Variants in ATP13A3 observed in about 807,000 individuals in gnomAD.
ATP13A3 encodes ATPase 13A3.
A neutral mutation model predicts 158.1 loss-of-function variants in ATP13A3; 59 were observed. That is an observed-to-expected ratio of 0.37 (90% CI 0.30 to 0.46). The LOEUF (loss-of-function observed/expected upper bound fraction) is 0.46, where lower values mean the gene tolerates loss of function less well. Ranked by LOEUF, ATP13A3 falls within the 20% of genes least tolerant of loss-of-function variation. The pLI is 1.00. For missense variants in ATP13A3, 1,166 were observed against 1,525.2 expected (o/e 0.76, Z 3.92); for synonymous variants, 491 against 504.3 (o/e 0.97, Z 0.35).
intron 2 of ATP13A3, among the ~76,000 whole-genome samples, chr3:194,482,869 AG>A (rs1282812861): frequency 4.6e-5 from 7 of 152,176 alleles, no homozygotes; most frequent in Non-Finnish European, 1.0e-4. Context: ...GCAGTCTGGA[AG>A]GCCGAGGCAG....
At chr3:194,430,855 T>C in intron 24 of ATP13A3, 88 bp downstream of exon 24, 2 of 1,003,890 alleles carry the variant, frequency 2.0e-6, no homozygotes, top group Non-Finnish European at 2.8e-6. Flanking sequence ...AATATTAGTA[T>C]AAGAAACATA....
intron 2 of ATP13A3, among the ~76,000 whole-genome samples, chr3:194,485,103 C>T (rs1720914673): frequency 6.6e-6 from 1 of 151,930 alleles, no homozygotes; most frequent in Non-Finnish European, 1.5e-5. Context: ...GTCACTTTTC[C>T]TACCCAATCC....
intron 33 of ATP13A3, among the ~76,000 whole-genome samples, chr3:194,407,504 A>G (rs1715020651): frequency 1.3e-5 from 2 of 152,200 alleles, no homozygotes; most frequent in Non-Finnish European, 2.9e-5. Context: ...ATCCAGTTGA[A>G]ACAACCATCA....
intron 31 of ATP13A3, among the ~76,000 whole-genome samples, chr3:194,419,342 T>C (rs1277484575): frequency 6.6e-6 from 1 of 152,194 alleles, no homozygotes; most frequent in African/African-American, 2.4e-5. Flanking sequence ...ACGTTACCTT[T>C]TTTTTGTTTT....
chr3:194,434,271 G>A (rs772797453), intron 20 of ATP13A3, among the ~76,000 whole-genome samples: 12 of 152,212 alleles, frequency 7.9e-5, no homozygotes, highest in African/African-American at 1.4e-4. Context: ...TACAGTTTTC[G>A]TGGATTCATT....
At chr3:194,421,789 T>C (rs1405127739) in intron 30 of ATP13A3, among the ~76,000 whole-genome samples, 1 of 151,528 alleles carries the variant, frequency 6.6e-6, no homozygotes, top group Non-Finnish European at 1.5e-5. Context: ...CAAAAAGCAA[T>C]GGTCAGAACA....
chr3:194,406,055 G>A lies in ATP13A3; in HGVS notation c.3635C>T (p.Thr1212Ile). 2 of 1,614,144 alleles carry A rather than the reference G, an allele frequency of 1.2e-6. No individual in the cohort carries two copies. The highest frequency in any genetic ancestry group is 1.7e-6 in the Non-Finnish European group (2 of 1,180,030). ...LPWALGCRKKTPKAKYMYLAQ... is the reference protein window; with the variant it reads ...LPWALGCRKKIPKAKYMYLAQ... ...CAGATACATGTACTTTGCCTTTGGT[G>A]TCTTCTTTCTACAGCCCAGGGCCCA... Residue 1212 changes from threonine (T) to isoleucine (I), a missense_variant, in exon 34 of 34, where the codon ACA becomes ATA. Thr to Ile is a moderately conservative substitution (Grantham distance 89). Transcript: ENST00000645319.
chr3:194,404,452 G>A lies in ATP13A3; in HGVS notation c.*1467C>T, dbSNP rs1166201003. ...TGTAAATATATGTTGGGAAAAGAATGATCAGCTAGAAGTAGAAAGCACGAG... is the reference window on the plus strand; with the variant it reads ...TGTAAATATATGTTGGGAAAAGAATAATCAGCTAGAAGTAGAAAGCACGAG... On this transcript the variant is annotated 3_prime_UTR_variant, in exon 34 of 34. Coordinates refer to ENST00000645319, the MANE Select transcript of ATP13A3 (RefSeq NM_001367549.1). 1 of 194,356 alleles carries A rather than the reference G, an allele frequency of 5.1e-6. No homozygotes were observed. The highest frequency in any genetic ancestry group is 1.7e-4 in the East Asian group (1 of 5,744). 12.0% of individuals were successfully genotyped at this position (194,356 alleles called of 1,614,324 possible).
Position 194,403,186 on chromosome 3 carries a change from T to G in ATP13A3, c.*2733A>C, listed in dbSNP as rs1224351758. The G allele has an allele frequency of 6.6e-6, 1 of 152,236 alleles. No individual in the cohort carries two copies. Among genetic ancestry groups the G allele is most frequent in the African/African-American group, 2.4e-5 (1 of 41,466 alleles). The allele number at this position is 152,236 out of a possible 1,614,324, so 9.4% of individuals were successfully genotyped here. A position where few individuals can be genotyped will look rare whatever the true frequency, so the allele number is the denominator to read the frequency against. The stretch of plus-strand genomic sequence containing the variant: ...ATATTATTTACCATGCCTTTGAAAC[T>G]GTGCAGGACTTTCATAAACATGGGG... On this transcript the variant is annotated 3_prime_UTR_variant, in exon 34 of 34. Transcript: ENST00000645319.
intron 8 of ATP13A3, 89 bp from the exon 9 acceptor site, chr3:194,454,481 C>T: frequency 1.5e-6 from 2 of 1,312,510 alleles, no homozygotes; most frequent in East Asian, 2.4e-5. Flanking sequence ...CAAAAAGATA[C>T]AAATATGTAC....
chr3:194,459,429 A>G, intron 6 of ATP13A3, 42 bp downstream of exon 6: 2 of 1,324,776 alleles, frequency 1.5e-6, no homozygotes, highest in Non-Finnish European at 2.2e-6. Context: ...GAACGTTTTC[A>G]GGATATTCAA....
At chr3:194,451,486 T>G (rs1025163042) in intron 10 of ATP13A3, 2 of 152,166 alleles carry the variant, frequency 1.3e-5, no homozygotes, top group Non-Finnish European at 2.9e-5. Flanking sequence ...TGCCCTGGCA[T>G]CCCCATTATA....
chr3:194,404,687 A>T lies in ATP13A3; in HGVS notation c.*1232T>A, dbSNP rs1422188818. ...TAATCAGGCCAAACAGAAAGGTGAA[A>T]AATGTTTCTCCACATCTCTTTTGGC... On this transcript the variant is annotated 3_prime_UTR_variant, in exon 34 of 34. Transcript: ENST00000645319. 6.6e-6 allele frequency: 1 copy of T among 152,234 alleles called. No individual in the cohort carries two copies. The highest frequency in any genetic ancestry group is 1.5e-5 in the Non-Finnish European group (1 of 68,040). The allele number at this position is 152,234 out of a possible 1,614,324, so 9.4% of individuals were successfully genotyped here. A position where few individuals can be genotyped will look rare whatever the true frequency, so the allele number is the denominator to read the frequency against.
Position 194,454,277 on chromosome 3 carries a change from G to A in ATP13A3, c.746C>T (p.Ser249Leu). Residue 249 changes from serine (S) to leucine (L), a missense_variant, in exon 9 of 34, where the codon TCA becomes TTA. By Grantham distance (145) the Ser-to-Leu change is moderately radical. Transcript: ENST00000645319. Reference protein sequence around the residue: ...VVMSIVSIVSSLYSIRKQYVM... With the variant: ...VVMSIVSIVSLLYSIRKQYVM... ...ACTTACCTTTCTAATGGAATATAGT[G>A]AGCTTACGATTGATACTATGGACAT... 6.2e-7 allele frequency: 1 copy of A among 1,605,152 alleles called. No homozygotes were observed.
chr3:194,420,829 C>G (rs1716236063), intron 30 of ATP13A3, among the ~76,000 whole-genome samples: 1 of 151,670 alleles, frequency 6.6e-6, no homozygotes, highest in South Asian at 2.1e-4. Flanking sequence ...TTCCCCTTTT[C>G]CTTTGATCTG....
intron 2 of ATP13A3, among the ~76,000 whole-genome samples, chr3:194,478,094 G>A (rs546275389): frequency 9.2e-5 from 14 of 152,208 alleles, no homozygotes; most frequent in African/African-American, 2.6e-4. Flanking sequence ...ATGTTGTCAA[G>A]TATCCTAATT....
Position 194,405,942 on chromosome 3 carries a change from A to G in ATP13A3, c.3748T>C (p.Cys1250Arg), listed in dbSNP as rs780869061. The G allele has an allele frequency of 1.3e-5, 21 of 1,614,076 alleles. No individual in the cohort carries two copies. Among genetic ancestry groups the G allele is most frequent in the Non-Finnish European group, 1.2e-5 (14 of 1,180,030 alleles). The change falls in exon 34 of 34, where the codon TGT (cysteine) becomes CGT (arginine). Residue 1250 changes from cysteine (C) to arginine (R), a missense_variant. By Grantham distance (180) the Cys-to-Arg change is radical. Transcript: ENST00000645319. ...TGCTATGTTATGGTGATGATTTGAC[A>G]TGATCCATTCTCCTTAACTAAAGCT... is the stretch of plus-strand genomic sequence containing the variant. ...AKALVKENGSCQIITIT is the reference protein window; with the variant it reads ...AKALVKENGSRQIITIT
intron 2 of ATP13A3, among the ~76,000 whole-genome samples, chr3:194,473,596 C>G (rs1030551063): frequency 6.6e-6 from 1 of 152,024 alleles, no homozygotes; most frequent in African/African-American, 2.4e-5. Context: ...TGTCTATGGC[C>G]ATACCACCTT....
Position 194,462,253 on chromosome 3 carries a change from A to G in ATP13A3, c.-46-17T>C. 6.9e-6 allele frequency: 10 copies of G among 1,452,566 alleles called. No homozygotes were observed. Among genetic ancestry groups the G allele is most frequent in the Non-Finnish European group, 9.7e-6 (10 of 1,034,834 alleles). The allele number at this position is 1,452,566 out of a possible 1,614,324, so 90.0% of individuals were successfully genotyped here. ...GGAAGATCACTGAGGGAAGAAAGGG[A>G]ACAGACGTTAGGGAACTATCTTCTA... On this transcript the variant is annotated splice_polypyrimidine_tract_variant and intron_variant, in intron 2 of 33. Coordinates refer to ENST00000645319, the MANE Select transcript of ATP13A3 (RefSeq NM_001367549.1).
Sources: allele counts gnomAD v4.1 joint callset (sites outside exome capture counted in the v4.1 genomes callset), GRCh38; gene constraint gnomAD v4.1.1; transcripts MANE v1.5; gene names NCBI Gene and HGNC (gene_info 2026-07-23, HGNC 2026-07-21).